The following CNTN5 variants were observed in gnomAD, a reference collection of about 807,000 sequenced individuals.
CNTN5 encodes the protein contactin-5.
Under a neutral mutation model 129.1 loss-of-function variants are expected in CNTN5, and 77 were observed. The observed-to-expected ratio is 0.60, with a 90% CI of 0.50 to 0.72. The LOEUF (loss-of-function observed/expected upper bound fraction) is 0.72, where lower values mean the gene tolerates loss of function less well. Among genes scored for constraint, CNTN5 ranks in the 30% least tolerant of loss-of-function variants. The pLI is 0.00. For missense variants in CNTN5, 1,478 were observed against 1,328.8 expected, an observed-to-expected ratio of 1.11 and a Z score of -1.75; for synonymous variants, 509 against 465.6, an observed-to-expected ratio of 1.09 and a Z score of -1.20.
intron 3 of CNTN5, among the ~76,000 whole-genome samples, chr11:99,768,489 G>A (rs186003158): frequency 6.6e-5 from 10 of 152,188 alleles, no homozygotes; most frequent in Admixed American, 2.0e-4. Context: ...CAGTCAAGGA[G>A]TATGCATTGC....
rs751415649 is a variant in CNTN5, at chr11:99,956,846, T to G, written c.714T>G (p.Phe238Leu). The G allele has an allele frequency of 3.1e-6, 5 of 1,613,950 alleles. No individual in the cohort carries two copies. The highest frequency in any genetic ancestry group is 3.4e-6 in the Non-Finnish European group (4 of 1,179,856). Reference protein sequence around the residue: ...YSWVFNEFPSFVAEDSRRFIS... With the variant: ...YSWVFNEFPSLVAEDSRRFIS... Reference sequence around the variant, plus strand: ...GGGTATTTAATGAGTTCCCTTCCTTTGTGGCGGAAGACAGCCGGCGGTTCA... The same window carrying G: ...GGGTATTTAATGAGTTCCCTTCCTTGGTGGCGGAAGACAGCCGGCGGTTCA... The change falls in exon 8 of 25, where the codon TTT (phenylalanine) becomes TTG (leucine). Residue 238 changes from phenylalanine (F) to leucine (L), a missense_variant. Phe to Leu is a conservative substitution (Grantham distance 22). Coordinates refer to ENST00000524871, the MANE Select transcript of CNTN5 (RefSeq NM_014361.4).
At chr11:99,906,027 G>A (rs1270983236) in intron 6 of CNTN5, among the ~76,000 whole-genome samples, 1 of 152,002 alleles carries the variant, frequency 6.6e-6, no homozygotes, top group Non-Finnish European at 1.5e-5. Flanking sequence ...TTATTAAGGA[G>A]ATTTTGGGCT....
chr11:99,218,632 G>T (rs1307957695), intron 1 of CNTN5, among the ~76,000 whole-genome samples: 1 of 152,038 alleles, frequency 6.6e-6, no homozygotes, highest in African/African-American at 2.4e-5. Context: ...TCACCATTAT[G>T]TATTTGGGTT....
intron 2 of CNTN5, among the ~76,000 whole-genome samples, chr11:99,448,754 T>TATTTTATTTCATTTA (rs1944177022): frequency 6.8e-6 from 1 of 146,086 alleles, no homozygotes; most frequent in Middle Eastern, 3.4e-3. Context: ...TATTTTATTT[T>TATTTTATTTCATTTA]ATTTTATTTT....
chr11:100,300,626 GTTTGA>G (rs1305868755), intron 20 of CNTN5, among the ~76,000 whole-genome samples: 1 of 151,502 alleles, frequency 6.6e-6, no homozygotes, highest in Non-Finnish European at 1.5e-5. Flanking sequence ...CAAAGATAAT[GTTTGA>G]TTTAAGGAAG....
chr11:99,305,035 T>A (rs1864814125), intron 1 of CNTN5, among the ~76,000 whole-genome samples: 1 of 152,166 alleles, frequency 6.6e-6, no homozygotes, highest in South Asian at 2.1e-4. Context: ...CCAGTAACCC[T>A]TAAGAATACC....
intron 1 of CNTN5, among the ~76,000 whole-genome samples, chr11:99,198,647 T>C (rs1859023023): frequency 6.6e-6 from 1 of 152,310 alleles, no homozygotes; most frequent in African/African-American, 2.4e-5. Context: ...TTAAGTGGAA[T>C]ATTTTGTGTA....
chr11:99,208,744 C>A (rs777370419), intron 1 of CNTN5, among the ~76,000 whole-genome samples: 11 of 151,888 alleles, frequency 7.2e-5, no homozygotes, highest in Non-Finnish European at 1.6e-4. Context: ...ATAATGATGC[C>A]AATCAAAAAC....
intron 24 of CNTN5, among the ~76,000 whole-genome samples, chr11:100,352,033 CA>C (rs1386545781): frequency 6.6e-6 from 1 of 151,500 alleles, no homozygotes; most frequent in Non-Finnish European, 1.5e-5. Context: ...TTTTTAAGTT[CA>C]GGGGTACATG....
At chr11:99,393,286 A>C (rs1044084864) in intron 2 of CNTN5, among the ~76,000 whole-genome samples, 1 of 151,836 alleles carries the variant, frequency 6.6e-6, no homozygotes. Flanking sequence ...CTGGAGAAAA[A>C]GGAGTATGTT....
chr11:99,270,463 G>A (rs1219429022), intron 1 of CNTN5, among the ~76,000 whole-genome samples: 1 of 151,486 alleles, frequency 6.6e-6, no homozygotes, highest in Non-Finnish European at 1.5e-5. Flanking sequence ...AAAACCTTCG[G>A]GAACAGTATT....
rs375302042 is a variant in CNTN5, at chr11:99,541,502, T to C, written c.-70-14643T>C. Among the ~76,000 whole-genome samples the C allele has an allele frequency of 9.9e-5, 15 of 152,032 alleles. 1 individual carries two copies. Among genetic ancestry groups the C allele is most frequent in the East Asian group, 7.7e-4 (4 of 5,176 alleles). ...AACAACTGGAGGGCCAAAGAGGAGA[T>C]GGAGCACAGTTGAATAGGAAAGGTA... On this transcript the variant is annotated intron_variant, in intron 2 of 24. Coordinates refer to ENST00000524871, the MANE Select transcript of CNTN5 (RefSeq NM_014361.4).
At chr11:100,265,432 T>C (rs1222042994) in intron 17 of CNTN5, among the ~76,000 whole-genome samples, 1 of 152,088 alleles carries the variant, frequency 6.6e-6, no homozygotes, top group Non-Finnish European at 1.5e-5. Context: ...GATGGGGAAA[T>C]AAGTCTCTCT....
intron 1 of CNTN5, among the ~76,000 whole-genome samples, chr11:99,317,636 A>G (rs553486948): frequency 1.3e-5 from 2 of 152,208 alleles, no homozygotes; most frequent in South Asian, 2.1e-4. Context: ...TGAAAAGAAT[A>G]TAACACTGCT....
intron 13 of CNTN5, among the ~76,000 whole-genome samples, chr11:100,163,928 T>A (rs951824851): frequency 1.3e-5 from 2 of 151,844 alleles, no homozygotes; most frequent in African/African-American, 4.8e-5. Flanking sequence ...TTATTATTAT[T>A]CTTATTTTAC....
intron 6 of CNTN5, among the ~76,000 whole-genome samples, chr11:99,907,555 T>C (rs1949542252): frequency 6.6e-6 from 1 of 151,832 alleles, no homozygotes; most frequent in African/African-American, 2.4e-5. Context: ...ATTGGGGCTG[T>C]ATACATATAT....
chr11:100,281,315 G>A (rs1057128929), intron 18 of CNTN5, among the ~76,000 whole-genome samples: 1 of 152,054 alleles, frequency 6.6e-6, no homozygotes, highest in Non-Finnish European at 1.5e-5. Context: ...TGTCTGGGAA[G>A]CCTTTATTTC....
chr11:100,157,646 TAAAG>T (rs1329073127), intron 13 of CNTN5, among the ~76,000 whole-genome samples: 8 of 151,860 alleles, frequency 5.3e-5, no homozygotes, highest in Non-Finnish European at 7.4e-5. Context: ...AAGATTCACA[TAAAG>T]AAAGAAGGTG....
chr11:99,313,884 T>C (rs1865223204), intron 1 of CNTN5, among the ~76,000 whole-genome samples: 1 of 152,018 alleles, frequency 6.6e-6, no homozygotes, highest in South Asian at 2.1e-4. Context: ...ATCGTAGACT[T>C]TCTTGACCCA....
Sources: gnomAD v4.1 joint callset for allele counts (sites outside exome capture counted in the v4.1 genomes callset) on GRCh38, gnomAD v4.1.1 for gene constraint, MANE v1.5 for transcripts, NCBI Gene and HGNC (gene_info 2026-07-23, HGNC 2026-07-21) for gene names.